Variants in ARHGEF28 observed in about 807,000 individuals in gnomAD.
The protein encoded by ARHGEF28 is Rho guanine nucleotide exchange factor 28.
ARHGEF28 carries 152 observed loss-of-function variants against 206.6 expected under a neutral mutation model. The ratio of observed to expected loss-of-function variants is 0.74; its 90% CI spans 0.64 to 0.84. The LOEUF (loss-of-function observed/expected upper bound fraction) is 0.84. Ranked by LOEUF, ARHGEF28 falls within the 40% of genes least tolerant of loss-of-function variation. The pLI is 0.00. For synonymous variants in ARHGEF28, 763 were observed against 776.4 expected, an observed-to-expected ratio of 0.98 and a Z score of 0.29; for missense variants, 2,028 against 2,073.2, an observed-to-expected ratio of 0.98 and a Z score of 0.42.
intron 21 of ARHGEF28, among the ~76,000 whole-genome samples, chr5:73,870,995 C>T (rs997845092): frequency 2.0e-5 from 3 of 152,118 alleles, no homozygotes; most frequent in Non-Finnish European, 4.4e-5. Flanking sequence ...TGGTTATGGA[C>T]ATCAGATGAG....
chr5:73,629,334 CA>C (rs199636540), intron 1 of ARHGEF28, among the ~76,000 whole-genome samples: 4 of 151,286 alleles, frequency 2.6e-5, no homozygotes, highest in African/African-American at 2.4e-5. Context: ...CCTGTCTCTA[CA>C]AAAAAAATAC....
intron 9 of ARHGEF28, among the ~76,000 whole-genome samples, chr5:73,801,185 G>A (rs1008164158): frequency 6.6e-6 from 1 of 152,180 alleles, no homozygotes; most frequent in African/African-American, 2.4e-5. Flanking sequence ...GGGGGCTCAC[G>A]CCTGTAATCC....
intron 35 of ARHGEF28, among the ~76,000 whole-genome samples, chr5:73,913,856 C>CTCTT (rs1763056561): frequency 6.6e-6 from 1 of 152,168 alleles, no homozygotes; most frequent in African/African-American, 2.4e-5. Context: ...GCTTCAGTCA[C>CTCTT]TCTTTCATTG....
chr5:73,780,651 T>C, intron 6 of ARHGEF28, 25 bp from the exon 7 acceptor site: 2 of 1,433,028 alleles, frequency 1.4e-6, no homozygotes, highest in Non-Finnish European at 1.8e-6. Context: ...GCTTTTTTGT[T>C]TTTTTTTTCC....
At chr5:73,730,533 GATT>G (rs1252981222) in intron 2 of ARHGEF28, among the ~76,000 whole-genome samples, 300 of 139,634 alleles carry the variant, frequency 2.1e-3, no homozygotes, top group African/African-American at 7.4e-3. Context: ...CCATAAGGAG[GATT>G]TTTTTTTTTT....
chr5:73,656,814 T>A (rs1446271640), intron 1 of ARHGEF28, among the ~76,000 whole-genome samples: 1 of 152,070 alleles, frequency 6.6e-6, no homozygotes, highest in South Asian at 2.1e-4. Flanking sequence ...TGTGTCTTCA[T>A]CTTCTATTAC....
At chr5:73,736,976 G>C (rs1283489717) in intron 2 of ARHGEF28, among the ~76,000 whole-genome samples, 1 of 152,118 alleles carries the variant, frequency 6.6e-6, no homozygotes, top group Non-Finnish European at 1.5e-5. Context: ...AATGAGAAAG[G>C]AGTCCCCAAG....
At chr5:73,828,263 G>A (rs1757034801) in intron 9 of ARHGEF28, among the ~76,000 whole-genome samples, 1 of 152,202 alleles carries the variant, frequency 6.6e-6, no homozygotes, top group African/African-American at 2.4e-5. Flanking sequence ...TAATAAAGGA[G>A]TGGTGGTCCT....
intron 7 of ARHGEF28, among the ~76,000 whole-genome samples, chr5:73,788,224 A>G (rs1754274176): frequency 1.3e-5 from 2 of 152,374 alleles, no homozygotes; most frequent in Admixed American, 6.5e-5. Flanking sequence ...GAGTTAAAGT[A>G]GAATCTAAGT....
intron 22 of ARHGEF28, among the ~76,000 whole-genome samples, chr5:73,874,716 A>G (rs1438856950): frequency 3.3e-5 from 5 of 150,484 alleles, no homozygotes; most frequent in African/African-American, 4.9e-5. Context: ...ATGATTTCCA[A>G]TTTCATCCAT....
At chr5:73,681,602 G>A (rs965155603) in intron 1 of ARHGEF28, among the ~76,000 whole-genome samples, 1 of 151,936 alleles carries the variant, frequency 6.6e-6, no homozygotes, top group African/African-American at 2.4e-5. Context: ...ATCACTTGAG[G>A]TCAGGAGTTG....
chr5:73,675,732 CAAAAAAAA>C (rs35836692), intron 1 of ARHGEF28, among the ~76,000 whole-genome samples: 2 of 49,668 alleles, frequency 4.0e-5, no homozygotes, highest in Non-Finnish European at 8.0e-5. Flanking sequence ...GACTCTGTCT[CAAAAAAAA>C]AAAAAAAAAA....
chr5:73,932,928 C>T (rs939408999), intron 35 of ARHGEF28, among the ~76,000 whole-genome samples: 1 of 149,820 alleles, frequency 6.7e-6, no homozygotes, highest in Non-Finnish European at 1.5e-5. Context: ...CCTGCCTCAG[C>T]CTCCCGTGTA....
At chr5:73,696,693 ATCT>A (rs1351568972) in intron 2 of ARHGEF28, among the ~76,000 whole-genome samples, 1 of 152,172 alleles carries the variant, frequency 6.6e-6, no homozygotes, top group African/African-American at 2.4e-5. Context: ...CAATGGCATA[ATCT>A]TCTAGTGGAC....
chr5:73,909,096 G>A (rs1202910517), intron 33 of ARHGEF28: 3 of 226,344 alleles, frequency 1.3e-5, no homozygotes, highest in East Asian at 1.8e-4. Flanking sequence ...TGCCGAGTTC[G>A]TATTCAGAAG....
chr5:73,721,449 T>C (rs1459942041), intron 2 of ARHGEF28, among the ~76,000 whole-genome samples: 1 of 152,224 alleles, frequency 6.6e-6, no homozygotes, highest in Non-Finnish European at 1.5e-5. Context: ...GAAACCTCTA[T>C]AGTGCCTGGG....
chr5:73,770,692 C>T (rs1030615787), intron 4 of ARHGEF28, among the ~76,000 whole-genome samples: 2 of 152,168 alleles, frequency 1.3e-5, no homozygotes, highest in African/African-American at 2.4e-5. Context: ...CTGTTTGCCT[C>T]GCTCTGCACT....
At chr5:73,661,955 A>G (rs575352646) in intron 1 of ARHGEF28, among the ~76,000 whole-genome samples, 2 of 152,354 alleles carry the variant, frequency 1.3e-5, no homozygotes, top group East Asian at 1.9e-4. Context: ...GACTTGCTCA[A>G]TGCAGGATTG....
At chr5:73,695,431 G>A (rs1306657585) in intron 2 of ARHGEF28, among the ~76,000 whole-genome samples, 6 of 151,982 alleles carry the variant, frequency 3.9e-5, no homozygotes, top group Non-Finnish European at 8.8e-5. Flanking sequence ...CCACATGTGG[G>A]CCCTCTCGTC....
Sources: allele counts gnomAD v4.1 joint callset (sites outside exome capture counted in the v4.1 genomes callset), GRCh38; gene constraint gnomAD v4.1.1; transcripts MANE v1.5; gene names NCBI Gene and HGNC (gene_info 2026-07-23, HGNC 2026-07-21).